SENP6: variants seen among roughly 807,000 people sequenced by gnomAD.
The protein encoded by SENP6 is SUMO specific peptidase 6.
SENP6 carries 41 observed loss-of-function variants against 134.5 expected under a neutral mutation model. That is an observed-to-expected ratio of 0.30 (90% CI 0.24 to 0.40). The LOEUF (loss-of-function observed/expected upper bound fraction) is 0.40. Ranked by LOEUF, SENP6 falls within the 10% of genes least tolerant of loss-of-function variation. SENP6 has a pLI of 1.00. For missense variants in SENP6, 1,248 were observed against 1,312.5 expected, an observed-to-expected ratio of 0.95 and a Z score of 0.76; for synonymous variants, 395 against 429.8, an observed-to-expected ratio of 0.92 and a Z score of 1.00.
intron 16 of SENP6, among the ~76,000 whole-genome samples, chr6:75,684,426 A>T (rs1294447977): frequency 2.0e-5 from 3 of 152,340 alleles, no homozygotes; most frequent in Middle Eastern, 3.4e-3. Context: ...CAGAACTTCC[A>T]ACACTATGTT....
At chr6:75,625,213 A>G (rs1045587558) in intron 3 of SENP6, among the ~76,000 whole-genome samples, 4 of 150,956 alleles carry the variant, frequency 2.6e-5, no homozygotes, top group Non-Finnish European at 5.9e-5. Context: ...CCGGGTTCAA[A>G]CAATTCTCAT....
At chr6:75,659,937 A>G (rs1771646815) in intron 8 of SENP6, among the ~76,000 whole-genome samples, 1 of 152,182 alleles carries the variant, frequency 6.6e-6, no homozygotes, top group African/African-American at 2.4e-5. Flanking sequence ...CAAAATCTCA[A>G]AGTTAACATT....
At chr6:75,692,710 A>G (rs372765480) in intron 16 of SENP6, among the ~76,000 whole-genome samples, 4 of 151,618 alleles carry the variant, frequency 2.6e-5, no homozygotes, top group African/African-American at 9.7e-5. Flanking sequence ...TGAGCCCCAC[A>G]TCCCTCGCCC....
Position 75,696,316 on chromosome 6 carries a change from A to T in SENP6, c.2195+393A>T, listed in dbSNP as rs540105874. 1.2e-4 allele frequency among the ~76,000 whole-genome samples: 18 copies of T among 152,296 alleles called. No homozygotes were observed. The East Asian group carries it at 1.3e-3, about 11-fold the overall frequency. Reference sequence around the variant, plus strand: ...CCAAATGTGACTAGTAGGTTTTTTTAAAATTACTTAGATACTTACTAACTA... The same window carrying T: ...CCAAATGTGACTAGTAGGTTTTTTTTAAATTACTTAGATACTTACTAACTA... On this transcript the variant is annotated intron_variant, in intron 17 of 23. Coordinates refer to ENST00000447266, the MANE Select transcript of SENP6 (RefSeq NM_015571.4).
chr6:75,717,783 T>C lies in SENP6; in HGVS notation c.*2189T>C, dbSNP rs902498987. On this transcript the variant is annotated 3_prime_UTR_variant, in exon 24 of 24. Coordinates refer to ENST00000447266, the MANE Select transcript of SENP6 (RefSeq NM_015571.4). The stretch of plus-strand genomic sequence containing the variant: ...CTGAAACTGCATGACAAGTATCTGG[T>C]GTCTTAACTAATTAGATAGATCTGT... 2.6e-5 allele frequency: 4 copies of C among 152,166 alleles called. No individual in the cohort carries two copies. The highest frequency in any genetic ancestry group is 2.0e-4 in the Admixed American group (3 of 15,286). 9.4% of individuals were successfully genotyped at this position (152,166 alleles called of 1,614,324 possible).
intron 1 of SENP6, among the ~76,000 whole-genome samples, chr6:75,603,227 G>C (rs991881092): frequency 6.6e-6 from 1 of 152,222 alleles, no homozygotes; most frequent in Admixed American, 6.5e-5. Flanking sequence ...ACTCACTCGT[G>C]AGGGAAAGTT....
At chr6:75,672,246 A>C (rs1772736881) in intron 11 of SENP6, among the ~76,000 whole-genome samples, 1 of 152,106 alleles carries the variant, frequency 6.6e-6, no homozygotes, top group African/African-American at 2.4e-5. Flanking sequence ...GTTATTTATA[A>C]CTCTTCAGTG....
intron 1 of SENP6, among the ~76,000 whole-genome samples, chr6:75,612,551 G>A (rs1479360131): frequency 6.6e-6 from 1 of 152,008 alleles, no homozygotes; most frequent in East Asian, 1.9e-4. Context: ...GGCTGCTCTC[G>A]ACTTCTGGCC....
Position 75,627,783 on chromosome 6 carries a change from C to T in SENP6, c.207+3823C>T, listed in dbSNP as rs147497595. ...CTCCACCTCCTGGGTTCAAGGGATT[C>T]TCCTGCCTCAGTCTCCTGAGTGACT... On this transcript the variant is annotated intron_variant, in intron 3 of 23. Coordinates refer to ENST00000447266, the MANE Select transcript of SENP6 (RefSeq NM_015571.4). Among the ~76,000 whole-genome samples, 926 of 152,146 alleles carry T rather than the reference C, an allele frequency of 6.1e-3. 9 individuals carry two copies. Among genetic ancestry groups the T allele is most frequent in the African/African-American group, 0.021 (878 of 41,508 alleles).
intron 1 of SENP6, among the ~76,000 whole-genome samples, chr6:75,602,932 GAA>G (rs1391006390): frequency 1.3e-5 from 2 of 152,206 alleles, no homozygotes; most frequent in East Asian, 3.9e-4. Context: ...TGGTGTTCAT[GAA>G]AAGTTTCAAA....
rs796549538 is a variant in SENP6, at chr6:75,652,696, A to AAAAAAAAAAAAAAAAAG, written c.550+4902_550+4903insAAAAAAAAAGAAAAAAA. 4.7e-5 allele frequency among the ~76,000 whole-genome samples: 7 copies of AAAAAAAAAAAAAAAAAG among 148,808 alleles called. No homozygotes were observed. The East Asian group carries it at 1.1e-3, about 22-fold the overall frequency. On this transcript the variant is annotated intron_variant, in intron 7 of 23. Transcript: ENST00000447266. ...TACTAAAAATCTCAAAAAAAAAAAAAAAAAAAAGAAAAAGAAAAAAAATGC... is the reference window on the plus strand; with the variant it reads ...TACTAAAAATCTCAAAAAAAAAAAAAAAAAAAAAAAAAAAAAGAAAAAAAGAAAAAGAAAAAAAATGC...
chr6:75,627,530 G>A (rs1404890288), intron 3 of SENP6, among the ~76,000 whole-genome samples: 1 of 152,174 alleles, frequency 6.6e-6, no homozygotes, highest in Non-Finnish European at 1.5e-5. Context: ...TTGGTAGGAT[G>A]AAGCGGGAGG....
intron 6 of SENP6, among the ~76,000 whole-genome samples, chr6:75,645,584 G>A (rs1263320353): frequency 6.6e-6 from 1 of 152,076 alleles, no homozygotes; most frequent in African/African-American, 2.4e-5. Context: ...GCACGCTACT[G>A]TTCTCCAGCC....
Position 75,661,405 on chromosome 6 carries a change from A to G in SENP6, c.697-1816A>G, listed in dbSNP as rs924240206. Among the ~76,000 whole-genome samples the G allele has an allele frequency of 2.6e-5, 4 of 152,312 alleles. No homozygotes were observed. The East Asian group carries it at 7.7e-4, about 29-fold the overall frequency. On this transcript the variant is annotated intron_variant, in intron 8 of 23. Transcript: ENST00000447266. Reference sequence around the variant, plus strand: ...AGGAAAGCTCCTCCCTAAATACAACATCTTTTGTCCACTGGACATGCCCAC... The same window carrying G: ...AGGAAAGCTCCTCCCTAAATACAACGTCTTTTGTCCACTGGACATGCCCAC...
chr6:75,669,988 C>T (rs1374472480), intron 10 of SENP6, among the ~76,000 whole-genome samples: 3 of 151,872 alleles, frequency 2.0e-5, no homozygotes, highest in South Asian at 2.1e-4. Flanking sequence ...GGCTGGAGTG[C>T]GGTGGTGCGT....
At chr6:75,709,738 G>T (rs922166207) in intron 20 of SENP6, 108 bp downstream of exon 20, 1 of 658,340 alleles carries the variant, frequency 1.5e-6, no homozygotes, top group African/African-American at 1.8e-5. Flanking sequence ...GGGAGGCTAA[G>T]GCAGAAAGAT....
At chr6:75,604,361 G>T (rs149462486) in intron 1 of SENP6, among the ~76,000 whole-genome samples, 1 of 152,136 alleles carries the variant, frequency 6.6e-6, no homozygotes, top group Non-Finnish European at 1.5e-5. Context: ...GCACGGTGGC[G>T]GCACGCCCTT....
chr6:75,683,606 T>C (rs1313626882), intron 16 of SENP6, among the ~76,000 whole-genome samples: 1 of 152,238 alleles, frequency 6.6e-6, no homozygotes, highest in Non-Finnish European at 1.5e-5. Flanking sequence ...GTTTCAGCTT[T>C]CTACATATGG....
At chr6:75,658,525 T>C (rs1771516685) in intron 7 of SENP6, among the ~76,000 whole-genome samples, 1 of 152,104 alleles carries the variant, frequency 6.6e-6, no homozygotes, top group South Asian at 2.1e-4. Context: ...AGTCAGATTA[T>C]GGTAAATTTT....
Sources: gnomAD v4.1 joint callset for allele counts (sites outside exome capture counted in the v4.1 genomes callset) on GRCh38, gnomAD v4.1.1 for gene constraint, MANE v1.5 for transcripts, NCBI Gene and HGNC (gene_info 2026-07-23, HGNC 2026-07-21) for gene names.